CCSER1: variants seen among roughly 807,000 people sequenced by gnomAD.
CCSER1 encodes the protein coiled-coil serine rich protein 1, also known as serine-rich coiled-coil domain-containing protein 1.
A neutral mutation model predicts 82.0 loss-of-function variants in CCSER1; 41 were observed. The observed-to-expected ratio is 0.50, with a 90% CI of 0.39 to 0.65. CCSER1 has a LOEUF of 0.65. CCSER1 is among the 30% of genes least tolerant of loss of function. The pLI is 0.00. For synonymous variants in CCSER1, 414 were observed against 383.9 expected, an observed-to-expected ratio of 1.08 and a Z score of -0.92; for missense variants, 1,119 against 1,064.2, an observed-to-expected ratio of 1.05 and a Z score of -0.72.
Position 90,583,801 on chromosome 4 carries a change from A to T in CCSER1, c.1725-44224A>T, listed in dbSNP as rs368241324. 6.0e-3 allele frequency among the ~76,000 whole-genome samples: 920 copies of T among 152,200 alleles called. 8 individuals carry two copies. Among genetic ancestry groups the T allele is most frequent in the African/African-American group, 0.021 (862 of 41,538 alleles). ...TGGATGAAAATATTCAAGGAAAAAA[A>T]CTGATTTTTTTTTCAAATATGAAAG... is the stretch of plus-strand genomic sequence containing the variant. On this transcript the variant is annotated intron_variant, in intron 5 of 10. Coordinates refer to ENST00000509176, the MANE Select transcript of CCSER1 (RefSeq NM_001145065.2).
intron 10 of CCSER1, among the ~76,000 whole-genome samples, chr4:91,225,856 G>A (rs1352654631): frequency 6.6e-6 from 1 of 151,894 alleles, no homozygotes; most frequent in Non-Finnish European, 1.5e-5. Flanking sequence ...TAGGAGCAGA[G>A]GTGATTCTTA....
chr4:91,132,617 G>A (rs1355166460), intron 10 of CCSER1, among the ~76,000 whole-genome samples: 3 of 152,124 alleles, frequency 2.0e-5, no homozygotes, highest in African/African-American at 7.2e-5. Flanking sequence ...TCCCTTCAAG[G>A]AGTTCACAGT....
intron 5 of CCSER1, among the ~76,000 whole-genome samples, chr4:90,486,886 G>T (rs1423663108): frequency 6.6e-6 from 1 of 152,186 alleles, no homozygotes; most frequent in African/African-American, 2.4e-5. Flanking sequence ...CTTTATGCTA[G>T]CTAAATAACA....
At chr4:90,527,316 T>A (rs1416883154) in intron 5 of CCSER1, among the ~76,000 whole-genome samples, 1 of 152,166 alleles carries the variant, frequency 6.6e-6, no homozygotes, top group Non-Finnish European at 1.5e-5. Flanking sequence ...AAAGAAGATA[T>A]TTATGTGGCC....
intron 10 of CCSER1, among the ~76,000 whole-genome samples, chr4:91,557,258 A>T (rs957351744): frequency 1.3e-5 from 2 of 151,434 alleles, no homozygotes; most frequent in African/African-American, 4.8e-5. Flanking sequence ...GTAAAATTGT[A>T]AAATTCCAGG....
intron 10 of CCSER1, among the ~76,000 whole-genome samples, chr4:91,469,423 G>A (rs373967637): frequency 5.3e-5 from 8 of 152,152 alleles, no homozygotes; most frequent in Admixed American, 2.0e-4. Context: ...CAGATTTTTC[G>A]TTCAGCTTAG....
At chr4:90,487,731 C>T (rs529137802) in intron 5 of CCSER1, among the ~76,000 whole-genome samples, 3 of 152,258 alleles carry the variant, frequency 2.0e-5, no homozygotes, top group Admixed American at 6.5e-5. Context: ...CTGCAACCTG[C>T]GCCTCTGGGT....
intron 10 of CCSER1, among the ~76,000 whole-genome samples, chr4:91,409,720 T>C (rs1752915941): frequency 6.6e-6 from 1 of 152,186 alleles, no homozygotes; most frequent in Non-Finnish European, 1.5e-5. Context: ...AGAGTCTCGC[T>C]GGGTCACCCA....
chr4:91,495,741 GTAAGA>G (rs1452094623), intron 10 of CCSER1, among the ~76,000 whole-genome samples: 3 of 151,438 alleles, frequency 2.0e-5, no homozygotes, highest in Admixed American at 1.3e-4. Flanking sequence ...AAATAATAAA[GTAAGA>G]TATTAATTTT....
At chr4:90,267,350 T>G (rs1725429333) in intron 1 of CCSER1, among the ~76,000 whole-genome samples, 1 of 152,092 alleles carries the variant, frequency 6.6e-6, no homozygotes, top group Non-Finnish European at 1.5e-5. Flanking sequence ...GGTAGATTCC[T>G]AAGGTTTCTG....
At chr4:91,283,484 C>T (rs566727786) in intron 10 of CCSER1, among the ~76,000 whole-genome samples, 1 of 152,204 alleles carries the variant, frequency 6.6e-6, no homozygotes, top group East Asian at 1.9e-4. Flanking sequence ...AGGGAACCTA[C>T]TTTTTAAGGA....
intron 5 of CCSER1, among the ~76,000 whole-genome samples, chr4:90,576,514 C>A (rs28874668): frequency 2.0e-4 from 30 of 152,190 alleles, no homozygotes; most frequent in Non-Finnish European, 4.1e-4. Flanking sequence ...CTTCTTTGTT[C>A]TACTTATTTA....
At chr4:90,701,224 C>G (rs112949254) in intron 6 of CCSER1, among the ~76,000 whole-genome samples, 7 of 152,236 alleles carry the variant, frequency 4.6e-5, no homozygotes, top group African/African-American at 1.7e-4. Flanking sequence ...TTCCCAGCAC[C>G]ATTTATTAAA....
Position 90,952,171 on chromosome 4 carries a change from G to A in CCSER1, c.2172+28724G>A, listed in dbSNP as rs530525430. Among the ~76,000 whole-genome samples, 5 of 152,054 alleles carry A rather than the reference G, an allele frequency of 3.3e-5. 1 individual carries two copies. The South Asian group carries it at 1.0e-3, about 32-fold the overall frequency. ...TATTAGGAAAATATTTATTAGAAGG[G>A]AGCAAAGCAAATATATAAAAAGAAA... On this transcript the variant is annotated intron_variant, in intron 9 of 10. Coordinates refer to ENST00000509176, the MANE Select transcript of CCSER1 (RefSeq NM_001145065.2).
chr4:91,262,844 TATC>T (rs1420770954), intron 10 of CCSER1, among the ~76,000 whole-genome samples: 2 of 143,340 alleles, frequency 1.4e-5, no homozygotes, highest in African/African-American at 2.7e-5. Flanking sequence ...ATGAGGCTCT[TATC>T]ATATGAAAAA....
intron 3 of CCSER1, among the ~76,000 whole-genome samples, chr4:90,375,450 G>A (rs1199622728): frequency 6.6e-6 from 1 of 152,162 alleles, no homozygotes; most frequent in African/African-American, 2.4e-5. Context: ...CCTGGAGAGA[G>A]AACAACTTAG....
At chr4:91,484,055 T>TA (rs70965500) in intron 10 of CCSER1, among the ~76,000 whole-genome samples, 56,171 of 130,778 alleles carry the variant, frequency 0.43, 12,151 homozygotes, top group Middle Eastern at 0.52. Context: ...GCCTATTCTC[T>TA]AAAAAAAAAA....
chr4:90,692,428 T>G (rs562212095), intron 6 of CCSER1, among the ~76,000 whole-genome samples: 14 of 151,868 alleles, frequency 9.2e-5, no homozygotes, highest in Non-Finnish European at 1.8e-4. Context: ...GCATTATAAT[T>G]AGAAAAATTA....
intron 4 of CCSER1, among the ~76,000 whole-genome samples, chr4:90,460,985 G>C (rs1348159144): frequency 1.4e-5 from 2 of 142,632 alleles, no homozygotes; most frequent in African/African-American, 5.1e-5. Flanking sequence ...TTCTCACTTT[G>C]TTTATTTCAA....
Sources: allele counts gnomAD v4.1 joint callset (sites outside exome capture counted in the v4.1 genomes callset), GRCh38; gene constraint gnomAD v4.1.1; transcripts MANE v1.5; gene names NCBI Gene and HGNC (gene_info 2026-07-23, HGNC 2026-07-21).